The following GPC5 variants were observed in gnomAD, a reference collection of about 807,000 sequenced individuals.
The protein encoded by GPC5 is glypican 5.
GPC5 carries 47 observed loss-of-function variants against 53.9 expected under a neutral mutation model. The observed-to-expected ratio is 0.87, with a 90% CI of 0.69 to 1.11. The LOEUF (loss-of-function observed/expected upper bound fraction) is 1.11, where lower values mean the gene tolerates loss of function less well. Among genes scored for constraint, GPC5 ranks in the 50% most tolerant of loss-of-function variants. The pLI, the probability that GPC5 is intolerant of heterozygous loss-of-function variation, is 0.00. For synonymous variants in GPC5, 286 were observed against 263.3 expected (o/e 1.09, Z -0.84); for missense variants, 748 against 713.1 (o/e 1.05, Z -0.56).
At chr13:92,058,310 A>C (rs2041093080) in intron 6 of GPC5, among the ~76,000 whole-genome samples, 1 of 152,116 alleles carries the variant, frequency 6.6e-6, no homozygotes, top group Non-Finnish European at 1.5e-5. Flanking sequence ...TAGAAGTGTA[A>C]GCCACTGTGT....
chr13:92,186,780 ATGCATATACAAGTATGT>A (rs2042186938), intron 7 of GPC5, among the ~76,000 whole-genome samples: 2 of 152,158 alleles, frequency 1.3e-5, no homozygotes, highest in African/African-American at 4.8e-5. Flanking sequence ...AGATGAAGAA[ATGCATATACAAGTATGT>A]TTCAGTGGAA....
chr13:92,242,197 C>T (rs993708326), intron 7 of GPC5, among the ~76,000 whole-genome samples: 8 of 147,400 alleles, frequency 5.4e-5, no homozygotes, highest in Non-Finnish European at 1.0e-4. Context: ...TGCACCATTG[C>T]ACTCCAGCCT....
intron 2 of GPC5, among the ~76,000 whole-genome samples, chr13:91,583,448 T>C (rs1301720345): frequency 1.3e-5 from 2 of 152,078 alleles, no homozygotes; most frequent in Non-Finnish European, 2.9e-5. Flanking sequence ...ATACCAACAA[T>C]AAAATAATAT....
At chr13:92,071,394 A>G (rs7321177) in intron 6 of GPC5, among the ~76,000 whole-genome samples, 84,045 of 151,802 alleles carry the variant, frequency 0.55, 23,577 homozygotes, top group East Asian at 0.79. Flanking sequence ...TAAACTATTC[A>G]TCTATATTTT....
chr13:92,345,324 G>T (rs530488580), intron 7 of GPC5, among the ~76,000 whole-genome samples: 1 of 152,206 alleles, frequency 6.6e-6, no homozygotes, highest in Middle Eastern at 3.4e-3. Context: ...TTGAATGTAC[G>T]TAATATAAAG....
intron 6 of GPC5, among the ~76,000 whole-genome samples, chr13:91,999,096 A>G (rs1334735102): frequency 1.3e-5 from 2 of 152,122 alleles, no homozygotes; most frequent in East Asian, 1.9e-4. Context: ...ATCTCTGGCT[A>G]TGGTTTGTAG....
At chr13:92,207,247 G>C (rs560043110) in intron 7 of GPC5, among the ~76,000 whole-genome samples, 14 of 152,234 alleles carry the variant, frequency 9.2e-5, no homozygotes, top group Non-Finnish European at 7.4e-5. Flanking sequence ...TTGAGCACTA[G>C]AAAATACAGC....
At chr13:91,600,520 T>G (rs1372531526) in intron 2 of GPC5, among the ~76,000 whole-genome samples, 1 of 152,096 alleles carries the variant, frequency 6.6e-6, no homozygotes, top group African/African-American at 2.4e-5. Context: ...CAATTTTTAT[T>G]TTTCAATTAT....
intron 6 of GPC5, among the ~76,000 whole-genome samples, chr13:91,959,783 G>C (rs1199700484): frequency 6.6e-6 from 1 of 151,894 alleles, no homozygotes; most frequent in East Asian, 1.9e-4. Context: ...ATTTTCCCAG[G>C]GATGCAAGGA....
At chr13:92,196,060 C>T (rs540290263) in intron 7 of GPC5, among the ~76,000 whole-genome samples, 9 of 151,816 alleles carry the variant, frequency 5.9e-5, no homozygotes, top group Non-Finnish European at 1.0e-4. Context: ...GGAAGCACAG[C>T]GGAAAACTAA....
At chr13:91,544,626 A>C (rs1187726157) in intron 2 of GPC5, among the ~76,000 whole-genome samples, 1 of 152,208 alleles carries the variant, frequency 6.6e-6, no homozygotes, top group African/African-American at 2.4e-5. Flanking sequence ...CAGCTATTGT[A>C]TCTAAAGAGT....
At chr13:91,818,347 T>G (rs1487521440) in intron 5 of GPC5, among the ~76,000 whole-genome samples, 1 of 152,224 alleles carries the variant, frequency 6.6e-6, no homozygotes, top group African/African-American at 2.4e-5. Flanking sequence ...CATTCACTGA[T>G]AGCAAATAAC....
chr13:91,428,001 C>A (rs1418598240), intron 1 of GPC5, among the ~76,000 whole-genome samples: 1 of 152,172 alleles, frequency 6.6e-6, no homozygotes, highest in Non-Finnish European at 1.5e-5. Context: ...TTTCCTGAGG[C>A]CTTCCCAGCC....
chr13:92,647,156 G>T (rs4617701), intron 7 of GPC5, among the ~76,000 whole-genome samples: 97 of 151,842 alleles, frequency 6.4e-4, no homozygotes, highest in Non-Finnish European at 1.2e-3. Flanking sequence ...CCTAATGTTG[G>T]ATATAAATTG....
At chr13:92,472,779 G>A (rs1878961523) in intron 7 of GPC5, among the ~76,000 whole-genome samples, 1 of 152,032 alleles carries the variant, frequency 6.6e-6, no homozygotes, top group Admixed American at 6.6e-5. Context: ...GACTTGTATG[G>A]AAATGTTATG....
At position 91,535,673 on chromosome 13, in the gene GPC5, G is replaced by A. The variant is rs369374063; in HGVS notation, c.325+86751G>A. Among the ~76,000 whole-genome samples, 97 of 152,074 alleles carry A rather than the reference G, an allele frequency of 6.4e-4. 1 individual carries two copies. In the South Asian group the frequency reaches 0.02, roughly 31 times the overall value. On this transcript the variant is annotated intron_variant, in intron 2 of 7. Coordinates refer to ENST00000377067, the MANE Select transcript of GPC5 (RefSeq NM_004466.6). Reference sequence around the variant, plus strand: ...TTAATGGAAAATCAAACAGTAAAACGAATATACATAAAAAAATGGACGTGT... The same window carrying A: ...TTAATGGAAAATCAAACAGTAAAACAAATATACATAAAAAAATGGACGTGT...
chr13:92,502,597 G>A (rs531421666), intron 7 of GPC5, among the ~76,000 whole-genome samples: 1 of 152,062 alleles, frequency 6.6e-6, no homozygotes, highest in East Asian at 1.9e-4. Context: ...AGATGAAGTG[G>A]GCTTAAGGAA....
intron 7 of GPC5, among the ~76,000 whole-genome samples, chr13:92,736,939 C>T (rs1888952312): frequency 6.6e-6 from 1 of 151,788 alleles, no homozygotes; most frequent in South Asian, 2.1e-4. Flanking sequence ...TCTAAATAGT[C>T]AGTTGTCTCT....
At position 91,980,983 on chromosome 13, in the gene GPC5, T is replaced by G. The variant is rs1288979506; in HGVS notation, c.1401+72926T>G. On this transcript the variant is annotated intron_variant, in intron 6 of 7. Coordinates refer to ENST00000377067, the MANE Select transcript of GPC5 (RefSeq NM_004466.6). ...TTTCATTGAAAGACTATACCAACATTTTTAGAAATCCATTTTATATTTTTG... is the reference window on the plus strand; with the variant it reads ...TTTCATTGAAAGACTATACCAACATGTTTAGAAATCCATTTTATATTTTTG... 2.6e-5 allele frequency among the ~76,000 whole-genome samples: 4 copies of G among 152,250 alleles called. No homozygotes were observed. The East Asian group carries it at 7.7e-4, about 29-fold the overall frequency.
Sources: gnomAD v4.1 joint callset for allele counts (sites outside exome capture counted in the v4.1 genomes callset) on GRCh38, gnomAD v4.1.1 for gene constraint, MANE v1.5 for transcripts, NCBI Gene and HGNC (gene_info 2026-07-23, HGNC 2026-07-21) for gene names.